The following XXYLT1 variants were observed in gnomAD, a reference collection of about 807,000 sequenced individuals.
The protein encoded by XXYLT1 is xyloside xylosyltransferase 1, also known as UDP-xylose:alpha-xyloside alpha-1,3-xylosyltransferase.
A neutral mutation model predicts 28.9 loss-of-function variants in XXYLT1; 20 were observed. The ratio of observed to expected loss-of-function variants is 0.69; its 90% confidence interval spans 0.49 to 1.00. XXYLT1 has a LOEUF of 1.00. Ranked by LOEUF, XXYLT1 falls within the 50% of genes least tolerant of loss-of-function variation. The pLI is 0.00. For synonymous variants in XXYLT1, 257 were observed against 253.8 expected (o/e 1.01, Z -0.12); for missense variants, 542 against 560.1 (o/e 0.97, Z 0.33).
chr3:195,124,281 G>A lies in XXYLT1; in HGVS notation c.785+32168C>T, dbSNP rs1362577630. ...CATACTAAACGGCAATGTTCTAGGT[G>A]CTTGTCAGCTGCTTTAAGGAAAATG... is the stretch of plus-strand genomic sequence containing the variant. On this transcript the variant is annotated intron_variant, in intron 3 of 3. Coordinates refer to ENST00000310380, the MANE Select transcript of XXYLT1 (RefSeq NM_152531.5). The surrounding 1 kb of genome is among the most constrained non-coding windows in gnomAD (Gnocchi z 4.1). Among the ~76,000 whole-genome samples the A allele has an allele frequency of 6.6e-6, 1 of 152,190 alleles. No homozygotes were observed. The highest frequency in any genetic ancestry group is 2.4e-5 in the African/African-American group (1 of 41,448).
At position 195,150,422 on chromosome 3, in the gene XXYLT1, C is replaced by T. The variant is rs949553443; in HGVS notation, c.785+6027G>A. 3.9e-5 allele frequency among the ~76,000 whole-genome samples: 6 copies of T among 152,316 alleles called. No homozygotes were observed. The highest frequency in any genetic ancestry group is 3.9e-4 in the East Asian group (2 of 5,188). The stretch of plus-strand genomic sequence containing the variant: ...AGCACCAGTCCTTGGAGTGGGATGA[C>T]GCAGCCTGCAGAGAAGCTTTCCTTC... On this transcript the variant is annotated intron_variant, in intron 3 of 3. Coordinates refer to ENST00000310380, the MANE Select transcript of XXYLT1 (RefSeq NM_152531.5). The surrounding 1 kb of genome is among the most constrained non-coding windows in gnomAD (Gnocchi z 4.7).
intron 3 of XXYLT1, among the ~76,000 whole-genome samples, chr3:195,141,943 G>A (rs1477884544): frequency 6.6e-6 from 1 of 152,226 alleles, no homozygotes; most frequent in East Asian, 1.9e-4. Flanking sequence ...TAGGCATTGT[G>A]AACCAAAGGA....
chr3:195,207,477 C>T (rs1723123555), intron 2 of XXYLT1: 1 of 456,504 alleles, frequency 2.2e-6, no homozygotes, highest in South Asian at 1.5e-5. Flanking sequence ...AGATGTTCTA[C>T]CTTGTACAAG....
intron 2 of XXYLT1, among the ~76,000 whole-genome samples, chr3:195,211,967 C>T (rs1435909354): frequency 6.9e-6 from 1 of 144,074 alleles, no homozygotes; most frequent in Admixed American, 6.9e-5. Context: ...CCAGGAAGAT[C>T]TGGAGGAGGA....
intron 3 of XXYLT1, among the ~76,000 whole-genome samples, chr3:195,071,350 C>T (rs372495471): frequency 2.2e-4 from 33 of 152,300 alleles, no homozygotes; most frequent in African/African-American, 2.2e-4. Flanking sequence ...GCAGAAGGTA[C>T]GGGGGAATAA....
chr3:195,225,727 T>TG (rs1296328515), intron 2 of XXYLT1, among the ~76,000 whole-genome samples: 2 of 148,744 alleles, frequency 1.3e-5, no homozygotes, highest in East Asian at 4.1e-4. Context: ...CCACATGTGG[T>TG]GGGGGGGACC....
At chr3:195,165,015 A>G (rs548134483) in intron 2 of XXYLT1, among the ~76,000 whole-genome samples, 2 of 152,242 alleles carry the variant, frequency 1.3e-5, no homozygotes, top group South Asian at 4.2e-4. Context: ...GACTCTCAGC[A>G]CAGGGGCCAG....
chr3:195,245,342 TAG>T (rs1724977248), intron 1 of XXYLT1, among the ~76,000 whole-genome samples: 1 of 151,554 alleles, frequency 6.6e-6, no homozygotes, highest in Non-Finnish European at 1.5e-5. Context: ...GTATTTTTAG[TAG>T]AGATGGGGTT....
intron 1 of XXYLT1, among the ~76,000 whole-genome samples, chr3:195,247,171 G>A (rs1725057651): frequency 6.6e-6 from 1 of 152,202 alleles, no homozygotes; most frequent in South Asian, 2.1e-4. Context: ...GAGGGGAAGA[G>A]GTATGGCAGC....
intron 1 of XXYLT1, among the ~76,000 whole-genome samples, chr3:195,259,202 G>A (rs1725588020): frequency 6.6e-6 from 1 of 152,258 alleles, no homozygotes; most frequent in South Asian, 2.1e-4. Context: ...CTTAATCGGG[G>A]CTGCTTAACA....
chr3:195,203,605 C>T (rs1049394553), intron 2 of XXYLT1, among the ~76,000 whole-genome samples: 6 of 152,220 alleles, frequency 3.9e-5, no homozygotes, highest in African/African-American at 1.4e-4. Flanking sequence ...CTCTAGCCAC[C>T]ACTCAGGCCT....
In XXYLT1 at chr3:195,173,190, A is replaced by G. The variant is rs1335870119; in HGVS notation, c.653-16609T>C. Among the ~76,000 whole-genome samples, 1 of 152,248 alleles carries G rather than the reference A, an allele frequency of 6.6e-6. No homozygotes were observed. The highest frequency in any genetic ancestry group is 1.9e-4 in the East Asian group (1 of 5,196). ...GGAGATGCTCACCCTGAGAGATGTC[A>G]TAGAGCTCTCCCACTAGGGAACCGC... On this transcript the variant is annotated intron_variant, in intron 2 of 3. Transcript: ENST00000310380. This position sits in a 1 kb window ranked among gnomAD's most constrained non-coding sequence, Gnocchi z 4.3.
chr3:195,236,654 CAGA>C lies in XXYLT1; in HGVS notation c.505-9801_505-9799del, dbSNP rs548119569. Among the ~76,000 whole-genome samples the C allele has an allele frequency of 2.6e-3, 387 of 146,654 alleles. 6 individuals carry two copies. Among genetic ancestry groups the C allele is most frequent in the Non-Finnish European group, 1.6e-3 (109 of 67,896 alleles). On this transcript the variant is annotated intron_variant, in intron 1 of 3. Transcript: ENST00000310380. ...TATTCTTCCCTCTCCTTTACTCAAGCAGAAGGAGTCTCTCCTCGTTAACCACCA... is the reference window on the plus strand; with the variant it reads ...TATTCTTCCCTCTCCTTTACTCAAGCAGGAGTCTCTCCTCGTTAACCACCA...
chr3:195,164,073 C>G (rs904855309), intron 2 of XXYLT1, among the ~76,000 whole-genome samples: 2 of 152,224 alleles, frequency 1.3e-5, no homozygotes, highest in Non-Finnish European at 2.9e-5. Flanking sequence ...AGGTTACCCC[C>G]AAATAAATGG....
chr3:195,082,190 G>A (rs750858202), intron 3 of XXYLT1, among the ~76,000 whole-genome samples: 1 of 152,210 alleles, frequency 6.6e-6, no homozygotes, highest in Non-Finnish European at 1.5e-5. Context: ...GCAGTGTGCT[G>A]TGTGTGTCAA....
intron 1 of XXYLT1, chr3:195,247,707 A>G (rs1171554206): frequency 3.0e-6 from 2 of 676,872 alleles, no homozygotes; most frequent in Non-Finnish European, 5.4e-6. Flanking sequence ...GCCTGTTCTC[A>G]CACTGCTGTA....
intron 2 of XXYLT1, among the ~76,000 whole-genome samples, chr3:195,178,052 G>A (rs1560136694): frequency 6.6e-6 from 1 of 151,978 alleles, no homozygotes; most frequent in Non-Finnish European, 1.5e-5. Context: ...TAAGACCTGT[G>A]CATTTCATTG....
At chr3:195,270,213 A>C in intron 1 of XXYLT1, 16 of 536,698 alleles carry the variant, frequency 3.0e-5, no homozygotes, top group Non-Finnish European at 3.9e-5. Context: ...AAACTGAGGA[A>C]CATAAACAGA....
intron 1 of XXYLT1, among the ~76,000 whole-genome samples, chr3:195,246,162 T>C (rs148434155): frequency 1.3e-5 from 2 of 152,306 alleles, no homozygotes; most frequent in East Asian, 1.9e-4. Context: ...ATGGCTAAAA[T>C]AAACCCCTTC....
Sources: gnomAD v4.1 joint callset for allele counts (sites outside exome capture counted in the v4.1 genomes callset) on GRCh38, gnomAD v4.1.1 for gene constraint, Gnocchi (gnomAD v3.1) non-coding constraint, MANE v1.5 for transcripts, NCBI Gene and HGNC (gene_info 2026-07-23, HGNC 2026-07-21) for gene names.